Variants in COL21A1 observed in about 807,000 individuals in gnomAD.
COL21A1 encodes collagen alpha-1(XXI) chain.
Under a neutral mutation model 137.9 loss-of-function variants are expected in COL21A1, and 149 were observed. The observed-to-expected ratio is 1.08, with a 90% CI of 0.95 to 1.24. The LOEUF (loss-of-function observed/expected upper bound fraction) is 1.24. Ranked by LOEUF, COL21A1 falls within the 50% of genes most tolerant of loss-of-function variation. The pLI is 0.00. For missense variants in COL21A1, 1,167 were observed against 1,158.4 expected, an observed-to-expected ratio of 1.01 and a Z score of -0.11; for synonymous variants, 456 against 391.5, an observed-to-expected ratio of 1.16 and a Z score of -1.95.
chr6:56,359,335 G>C (rs761789307), intron 1 of COL21A1, among the ~76,000 whole-genome samples: 4 of 152,100 alleles, frequency 2.6e-5, no homozygotes, highest in Non-Finnish European at 4.4e-5. Context: ...TATAGTTTGG[G>C]GATTGGAACA....
intron 1 of COL21A1, among the ~76,000 whole-genome samples, chr6:56,255,591 C>T (rs1782949907): frequency 6.6e-6 from 1 of 152,144 alleles, no homozygotes; most frequent in Admixed American, 6.5e-5. Context: ...TACAAGCATA[C>T]TTAGGAAGCC....
intron 10 of COL21A1, among the ~76,000 whole-genome samples, chr6:56,148,777 C>T (rs905052770): frequency 2.1e-4 from 32 of 152,160 alleles, no homozygotes; most frequent in African/African-American, 7.5e-4. Flanking sequence ...TATACTCTAT[C>T]ACCATTCTTG....
intron 22 of COL21A1, 48 bp from the exon 23 acceptor site, chr6:56,067,378 C>T: frequency 6.6e-7 from 1 of 1,516,406 alleles, no homozygotes; most frequent in Non-Finnish European, 9.1e-7. Context: ...ATATTCTGTA[C>T]AGTTTCAAAT....
intron 1 of COL21A1, among the ~76,000 whole-genome samples, chr6:56,242,670 C>A (rs997181020): frequency 6.6e-6 from 1 of 152,050 alleles, no homozygotes; most frequent in Non-Finnish European, 1.5e-5. Flanking sequence ...TTGGTAAAAA[C>A]CAAAATGTCC....
intron 1 of COL21A1, among the ~76,000 whole-genome samples, chr6:56,393,233 G>A (rs2152354316): frequency 6.6e-6 from 1 of 152,188 alleles, no homozygotes; most frequent in Non-Finnish European, 1.5e-5. Flanking sequence ...AAAATGCCAA[G>A]AATATAATTG....
At chr6:56,186,438 T>C (rs1245483485) in intron 1 of COL21A1, among the ~76,000 whole-genome samples, 2 of 152,194 alleles carry the variant, frequency 1.3e-5, no homozygotes, top group Non-Finnish European at 2.9e-5. Context: ...CTTAAATCAG[T>C]AAGTAGCTAA....
rs140294035 is a variant in COL21A1 at position 56,270,118 on chromosome 6, T to C, written c.-38-87462A>G. On this transcript the variant is annotated intron_variant, in intron 1 of 28. Transcript: ENST00000370819. The stretch of plus-strand genomic sequence containing the variant: ...ATGTCCCTGCCCCACTTAAAAGACA[T>C]AGAGTGGCAAGCTAAATAAAAAGAC... Among the ~76,000 whole-genome samples the C allele has an allele frequency of 1.9e-3, 283 of 152,214 alleles. 1 individual carries two copies. Among genetic ancestry groups the C allele is most frequent in the African/African-American group, 6.6e-3 (276 of 41,524 alleles).
chr6:56,122,428 T>C (rs1772634629), intron 16 of COL21A1, among the ~76,000 whole-genome samples: 1 of 151,904 alleles, frequency 6.6e-6, no homozygotes, highest in South Asian at 2.1e-4. Flanking sequence ...TTCTCCTGCC[T>C]CAGCCTCCCG....
intron 21 of COL21A1, among the ~76,000 whole-genome samples, chr6:56,070,326 T>C (rs1274649330): frequency 2.0e-5 from 3 of 151,556 alleles, no homozygotes; most frequent in Non-Finnish European, 4.4e-5. Flanking sequence ...GAAATAAACA[T>C]CAACCCATGT....
intron 19 of COL21A1, among the ~76,000 whole-genome samples, chr6:56,075,155 A>T (rs941735936): frequency 5.3e-5 from 8 of 151,386 alleles, no homozygotes; most frequent in African/African-American, 1.9e-4. Flanking sequence ...AATTTAAAAT[A>T]AAAAAATCAC....
intron 1 of COL21A1, among the ~76,000 whole-genome samples, chr6:56,242,723 T>G (rs560569652): frequency 6.0e-4 from 92 of 152,274 alleles, no homozygotes; most frequent in African/African-American, 2.1e-3. Context: ...TTCTTTGAAG[T>G]GACAAAGGTG....
upstream of COL21A1, among the ~76,000 whole-genome samples, chr6:56,250,191 T>C (rs969899557): frequency 6.6e-6 from 1 of 152,194 alleles, no homozygotes; most frequent in Non-Finnish European, 1.5e-5. Flanking sequence ...ACTCCTTTAA[T>C]TGAAAAGAAG....
intron 1 of COL21A1, among the ~76,000 whole-genome samples, chr6:56,200,057 A>C (rs1462001660): frequency 6.6e-6 from 1 of 152,152 alleles, no homozygotes; most frequent in Non-Finnish European, 1.5e-5. Flanking sequence ...GCTGACACTT[A>C]AGCAACATGA....
At chr6:56,328,746 A>G (rs1371353987) in intron 1 of COL21A1, among the ~76,000 whole-genome samples, 1 of 152,088 alleles carries the variant, frequency 6.6e-6, no homozygotes, top group Non-Finnish European at 1.5e-5. Context: ...ATGTTTTCCC[A>G]CCCACTATCT....
At chr6:56,202,524 C>A (rs958059895) in intron 1 of COL21A1, among the ~76,000 whole-genome samples, 6 of 152,144 alleles carry the variant, frequency 3.9e-5, no homozygotes, top group Admixed American at 2.0e-4. Context: ...TCTTTTTCTA[C>A]TTCCAGCATC....
chr6:56,201,568 T>C (rs907543676), intron 1 of COL21A1, among the ~76,000 whole-genome samples: 1 of 152,194 alleles, frequency 6.6e-6, no homozygotes, highest in African/African-American at 2.4e-5. Context: ...GGGAATCCTT[T>C]CCCCATTTCT....
chr6:56,201,367 G>A (rs985467894), intron 1 of COL21A1, among the ~76,000 whole-genome samples: 6 of 152,090 alleles, frequency 3.9e-5, no homozygotes, highest in African/African-American at 7.2e-5. Context: ...TTTTGGACAC[G>A]AAGTCCTTGC....
intron 1 of COL21A1, among the ~76,000 whole-genome samples, chr6:56,358,003 A>G (rs1478920986): frequency 6.6e-6 from 1 of 152,196 alleles, no homozygotes; most frequent in East Asian, 1.9e-4. Flanking sequence ...ATACATGCAC[A>G]AGAGTGATAT....
chr6:56,061,911 T>C (rs1431087805), intron 24 of COL21A1, among the ~76,000 whole-genome samples: 1 of 152,122 alleles, frequency 6.6e-6, no homozygotes, highest in African/African-American at 2.4e-5. Context: ...GTTTCCTTCT[T>C]AGATATGAAT....
Sources: gnomAD v4.1 joint callset for allele counts (sites outside exome capture counted in the v4.1 genomes callset) on GRCh38, gnomAD v4.1.1 for gene constraint, MANE v1.5 for transcripts, NCBI Gene and HGNC (gene_info 2026-07-23, HGNC 2026-07-21) for gene names.